TRPC5: variants seen among roughly 807,000 people sequenced by gnomAD.
TRPC5 encodes short transient receptor potential channel 5.
Under a neutral mutation model 56.5 loss-of-function variants are expected in TRPC5, and 9 were observed. The ratio of observed to expected loss-of-function variants is 0.16; its 90% CI spans 0.10 to 0.28. TRPC5 has a LOEUF of 0.28. Ranked by LOEUF, TRPC5 falls within the 10% of genes least tolerant of loss-of-function variation. The pLI is 1.00. For synonymous variants in TRPC5, 282 were observed against 278.5 expected (o/e 1.01, Z -0.13); for missense variants, 469 against 748.9 (o/e 0.63, Z 4.36).
At chrX:111,786,634 G>A (rs1338745719) in intron 7 of TRPC5, among the ~76,000 whole-genome samples, 1 of 110,671 alleles carries the variant, frequency 9.0e-6, no homozygotes, top group African/African-American at 3.3e-5. Flanking sequence ...TGGATAAAGA[G>A]TCAAGACCCA....
At chrX:112,025,030 C>T (rs1299325214) in intron 1 of TRPC5, among the ~76,000 whole-genome samples, 10 of 112,282 alleles carry the variant, frequency 8.9e-5, no homozygotes. Context: ...ATTTGTTAAT[C>T]ATCCCTGAAA....
intron 3 of TRPC5, among the ~76,000 whole-genome samples, chrX:111,892,956 GCTAA>G (rs1924874181): frequency 9.0e-6 from 1 of 111,470 alleles, no homozygotes; most frequent in African/African-American, 3.3e-5. Context: ...AATTCGTTGT[GCTAA>G]CTAACTAATG....
chrX:111,830,170 T>C (rs1178628347), intron 7 of TRPC5, among the ~76,000 whole-genome samples: 2 of 112,676 alleles, frequency 1.8e-5, no homozygotes, highest in Non-Finnish European at 3.8e-5. Context: ...CTAGTGGATT[T>C]GGGACTTGCA....
chrX:111,977,991 A>G (rs1053029658), intron 1 of TRPC5, among the ~76,000 whole-genome samples: 3 of 111,666 alleles, frequency 2.7e-5, no homozygotes, highest in Non-Finnish European at 5.7e-5. Context: ...ATGTAGAGAA[A>G]GGGGAATTTT....
At chrX:111,801,555 T>C (rs1221446346) in intron 7 of TRPC5, among the ~76,000 whole-genome samples, 1 of 112,200 alleles carries the variant, frequency 8.9e-6, no homozygotes, top group East Asian at 2.8e-4. Flanking sequence ...CCAACATTTG[T>C]TACTGTCCAT....
chrX:111,780,423 T>C (rs1478273505), intron 9 of TRPC5, among the ~76,000 whole-genome samples: 2 of 111,082 alleles, frequency 1.8e-5, no homozygotes, highest in Admixed American at 1.9e-4. Flanking sequence ...CCTCCTGTTA[T>C]ATATATTACC....
intron 1 of TRPC5, among the ~76,000 whole-genome samples, chrX:112,039,434 T>G (rs1189956061): frequency 2.7e-5 from 3 of 111,712 alleles, no homozygotes; most frequent in Non-Finnish European, 5.6e-5. Context: ...AGGGGTAGGT[T>G]GCCACTCCTT....
In TRPC5 at chrX:111,782,356, G is replaced by A. The variant is rs916436421; in HGVS notation, c.1897-218C>T. On this transcript the variant is annotated intron_variant, in intron 7 of 10. Transcript: ENST00000262839. ...TGTATGTACATGGCTGTTCACTGTA[G>A]CACAGATAATAGTAGCAAAACGACT... is the stretch of plus-strand genomic sequence containing the variant. 4.5e-5 allele frequency among the ~76,000 whole-genome samples: 5 copies of A among 111,700 alleles called. No individual in the cohort carries two copies. In the South Asian group the frequency reaches 1.1e-3, roughly 25 times the overall value.
At chrX:112,081,118 A>T (rs986809606) in intron 1 of TRPC5, among the ~76,000 whole-genome samples, 3 of 112,141 alleles carry the variant, frequency 2.7e-5, no homozygotes, top group African/African-American at 9.7e-5. Context: ...CGATCCAAAG[A>T]GCCCAGGTTG....
intron 3 of TRPC5, among the ~76,000 whole-genome samples, chrX:111,893,981 GGTAAC>G (rs1924939097): frequency 1.8e-5 from 2 of 111,546 alleles, no homozygotes; most frequent in African/African-American, 6.5e-5. Context: ...GGGTGAAGAG[GGTAAC>G]GAGAAGTTAT....
At chrX:111,941,427 C>T (rs761166114) in intron 2 of TRPC5, among the ~76,000 whole-genome samples, 4 of 112,204 alleles carry the variant, frequency 3.6e-5, no homozygotes, top group Non-Finnish European at 5.6e-5. Flanking sequence ...TAATCAATAT[C>T]AACAGTGTCT....
chrX:111,836,328 T>C (rs1922563397), intron 6 of TRPC5, among the ~76,000 whole-genome samples: 1 of 112,334 alleles, frequency 8.9e-6, no homozygotes, highest in Non-Finnish European at 1.9e-5. Flanking sequence ...GAAATGCTAC[T>C]TTAAGAATGG....
At chrX:112,064,936 T>C (rs1169895484) in intron 1 of TRPC5, among the ~76,000 whole-genome samples, 3 of 110,450 alleles carry the variant, frequency 2.7e-5, no homozygotes, top group Non-Finnish European at 5.7e-5. Context: ...TAGCCAGGCA[T>C]GGTGGTGGGC....
intron 1 of TRPC5, among the ~76,000 whole-genome samples, chrX:112,002,728 G>A (rs1458550273): frequency 2.7e-5 from 3 of 111,556 alleles, no homozygotes. Context: ...CAGGTACCCC[G>A]CATGTCTTAG....
chrX:111,864,508 C>T (rs866967908), intron 3 of TRPC5, among the ~76,000 whole-genome samples: 3 of 111,697 alleles, frequency 2.7e-5, no homozygotes, highest in Admixed American at 9.5e-5. Flanking sequence ...AGTTGACTGA[C>T]AGATAATGAC....
intron 1 of TRPC5, among the ~76,000 whole-genome samples, chrX:111,974,033 T>C (rs1463891462): frequency 8.9e-6 from 1 of 111,906 alleles, no homozygotes; most frequent in African/African-American, 3.2e-5. Flanking sequence ...CTTAAAAGTG[T>C]GTCATGGAGG....
chrX:111,852,364 C>T lies in TRPC5; in HGVS notation c.1311G>A (p.Leu437=). The stretch of plus-strand genomic sequence containing the variant: ...AGAGGGAGTTCATTGCAAAATCCAT[C>T]AGGTTCCACCAGTCATGGATGTATT... ...FTEYIHDWWN[L]MDFAMNSLYL... Residue 437 remains leucine (L), a synonymous_variant, in exon 5 of 11, where the codon CTG becomes CTA. Coordinates refer to ENST00000262839, the MANE Select transcript of TRPC5 (RefSeq NM_012471.3). 1 of 1,208,996 alleles carries T rather than the reference C, an allele frequency of 8.3e-7. No individual in the cohort carries two copies. The highest frequency in any genetic ancestry group is 1.1e-6 in the Non-Finnish European group (1 of 893,190).
At chrX:112,073,513 A>G (rs1018675948) in intron 1 of TRPC5, among the ~76,000 whole-genome samples, 1 of 111,358 alleles carries the variant, frequency 9.0e-6, no homozygotes, top group Admixed American at 9.5e-5. Context: ...CAGGCGATCC[A>G]TCTGCCTTGG....
intron 1 of TRPC5, among the ~76,000 whole-genome samples, chrX:112,000,213 C>T (rs1363747154): frequency 6.3e-5 from 7 of 111,318 alleles, no homozygotes; most frequent in Admixed American, 9.6e-5. Flanking sequence ...AGTCAATCAG[C>T]AACCTTTATT....
Sources: gnomAD v4.1 joint callset for allele counts (sites outside exome capture counted in the v4.1 genomes callset) on GRCh38, gnomAD v4.1.1 for gene constraint, MANE v1.5 for transcripts, NCBI Gene and HGNC (gene_info 2026-07-23, HGNC 2026-07-21) for gene names.